The following TCF12 variants were observed in gnomAD, a reference collection of about 807,000 sequenced individuals.
The protein encoded by TCF12 is transcription factor 12.
A neutral mutation model predicts 86.0 loss-of-function variants in TCF12; 45 were observed. That is an observed-to-expected ratio of 0.52 (90% CI 0.41 to 0.67). TCF12 has a LOEUF of 0.67. TCF12 is among the 30% of genes least tolerant of loss of function. The probability of loss-of-function intolerance (pLI) is 0.00; values close to 1 mark genes in which losing one functional copy is unlikely to be tolerated. For missense variants in TCF12, 881 were observed against 859.9 expected (o/e 1.02, Z -0.31); for synonymous variants, 330 against 299.6 (o/e 1.10, Z -1.05).
At chr15:57,259,570 C>T (rs2057640291) in intron 16 of TCF12, among the ~76,000 whole-genome samples, 2 of 152,210 alleles carry the variant, frequency 1.3e-5, no homozygotes, top group South Asian at 2.1e-4. Context: ...TAAGGCCATA[C>T]ATAGATTGTG....
chr15:57,077,227 G>T (rs903068222), intron 4 of TCF12, among the ~76,000 whole-genome samples: 1 of 151,896 alleles, frequency 6.6e-6, no homozygotes, highest in Non-Finnish European at 1.5e-5. Flanking sequence ...TGAGTCTGTA[G>T]ATCAGTTGGA....
chr15:56,933,655 A>G (rs1446067433), intron 3 of TCF12, among the ~76,000 whole-genome samples: 1 of 152,162 alleles, frequency 6.6e-6, no homozygotes, highest in Non-Finnish European at 1.5e-5. Flanking sequence ...TAATGAGCAG[A>G]TTAAAAGTTT....
intron 3 of TCF12, among the ~76,000 whole-genome samples, chr15:57,054,059 G>A (rs2067819111): frequency 6.6e-6 from 1 of 152,066 alleles, no homozygotes; most frequent in African/African-American, 2.4e-5. Flanking sequence ...AGAATTGAGT[G>A]GCAGTTTTGT....
In TCF12 at chr15:57,240,836, C is replaced by T. The variant is rs143330299; in HGVS notation, c.1036-2636C>T. Reference sequence around the variant, plus strand: ...TTGAGGCTGCAGTGAGCCATGATTGCACCACTGCATTCCAGCCTGGGTGAC... The same window carrying T: ...TTGAGGCTGCAGTGAGCCATGATTGTACCACTGCATTCCAGCCTGGGTGAC... On this transcript the variant is annotated intron_variant, in intron 12 of 20. Coordinates refer to ENST00000333725, the MANE Select transcript of TCF12 (RefSeq NM_207037.2). Among the ~76,000 whole-genome samples the T allele has an allele frequency of 1.8e-3, 238 of 132,558 alleles. 2 individuals are homozygous for T. Among genetic ancestry groups the T allele is most frequent in the African/African-American group, 6.1e-3 (219 of 36,016 alleles). The allele number at this position is 132,558 out of a possible 152,430, so 87.0% of individuals were successfully genotyped here. A position where few individuals can be genotyped will look rare whatever the true frequency, so the allele number is the denominator to read the frequency against.
rs1235111709 is a variant in TCF12 at position 57,282,511 on chromosome 15, C to G, written c.2045C>G (p.Ser682Trp). 5 of 1,614,116 alleles carry G rather than the reference C, an allele frequency of 3.1e-6. No individual in the cohort carries two copies. Among genetic ancestry groups the G allele is most frequent in the Non-Finnish European group, 4.2e-6 (5 of 1,180,060 alleles). The change falls in exon 20 of 21, where the codon TCG (serine) becomes TGG (tryptophan). Residue 682 changes from serine (S) to tryptophan (W), a missense_variant. By Grantham distance (177) the Ser-to-Trp change is radical. Coordinates refer to ENST00000333725, the MANE Select transcript of TCF12 (RefSeq NM_207037.2). ...RREEEKVSAVSAEPPTTLPGT... is the reference protein window; with the variant it reads ...RREEEKVSAVWAEPPTTLPGT... ...GAAGAAGAAAAAGTTTCTGCCGTAT[C>G]GGCAGAGCCGCCAACCACACTGCCA...
intron 8 of TCF12, among the ~76,000 whole-genome samples, chr15:57,212,981 C>T (rs1305940896): frequency 6.6e-6 from 1 of 152,162 alleles, no homozygotes; most frequent in Non-Finnish European, 1.5e-5. Flanking sequence ...ATACTTCTGC[C>T]CTACTGCATA....
chr15:56,987,404 C>G (rs1175035766), intron 3 of TCF12, among the ~76,000 whole-genome samples: 2 of 152,112 alleles, frequency 1.3e-5, no homozygotes, highest in African/African-American at 4.8e-5. Flanking sequence ...CTTGAGCCAC[C>G]GTGCCTGGCC....
intron 13 of TCF12, among the ~76,000 whole-genome samples, chr15:57,250,861 G>A (rs1422939848): frequency 7.5e-5 from 11 of 146,186 alleles, no homozygotes; most frequent in Non-Finnish European, 1.4e-4. Flanking sequence ...GTGCCACTGC[G>A]CTCCAGCCTG....
At chr15:57,265,673 A>G (rs2060828751) in intron 18 of TCF12, among the ~76,000 whole-genome samples, 1 of 152,200 alleles carries the variant, frequency 6.6e-6, no homozygotes, top group African/African-American at 2.4e-5. Flanking sequence ...TCTTATTTAT[A>G]TCAATTAACC....
At chr15:56,977,555 GTGTGTGTGTA>G (rs1433693454) in intron 3 of TCF12, among the ~76,000 whole-genome samples, 14 of 149,566 alleles carry the variant, frequency 9.4e-5, no homozygotes, top group Admixed American at 4.2e-4. Flanking sequence ...CTGTGTGTGT[GTGTGTGTGTA>G]TGTATGTGTG....
At chr15:57,028,523 T>G (rs555778333) in intron 3 of TCF12, among the ~76,000 whole-genome samples, 1 of 152,306 alleles carries the variant, frequency 6.6e-6, no homozygotes, top group East Asian at 1.9e-4. Context: ...CTTTTGCCCG[T>G]TTTTAAATCA....
intron 5 of TCF12, among the ~76,000 whole-genome samples, chr15:57,099,868 G>GTT (rs545582921): frequency 1.4e-5 from 2 of 144,848 alleles, no homozygotes; most frequent in African/African-American, 2.5e-5. Flanking sequence ...ATATTTCAGA[G>GTT]TTTTTTTTTT....
chr15:57,179,520 ACT>A (rs1327799707), intron 6 of TCF12, among the ~76,000 whole-genome samples: 1 of 151,506 alleles, frequency 6.6e-6, no homozygotes, highest in African/African-American at 2.4e-5. Flanking sequence ...ACACAGCAAG[ACT>A]CCATCTCAAA....
chr15:57,214,298 A>G (rs1214969339), intron 8 of TCF12: 2 of 152,232 alleles, frequency 1.3e-5, no homozygotes, highest in Non-Finnish European at 2.9e-5. Context: ...ATTGCCTTTT[A>G]GAAGCTTTGT....
At chr15:57,016,721 C>T (rs1399889481) in intron 3 of TCF12, among the ~76,000 whole-genome samples, 1 of 151,868 alleles carries the variant, frequency 6.6e-6, no homozygotes, top group Non-Finnish European at 1.5e-5. Context: ...GTTTTACAAG[C>T]AGAAGCACTG....
chr15:56,935,844 T>C (rs1460057924), intron 3 of TCF12, among the ~76,000 whole-genome samples: 1 of 152,212 alleles, frequency 6.6e-6, no homozygotes. Flanking sequence ...CTATCATGTA[T>C]ATATATACAG....
At chr15:57,009,413 A>G (rs1355270677) in intron 3 of TCF12, among the ~76,000 whole-genome samples, 1 of 152,136 alleles carries the variant, frequency 6.6e-6, no homozygotes, top group East Asian at 1.9e-4. Flanking sequence ...GTGTGGCCTA[A>G]TGGTCCTGTT....
At chr15:56,953,583 A>G (rs531387370) in intron 3 of TCF12, among the ~76,000 whole-genome samples, 1 of 152,194 alleles carries the variant, frequency 6.6e-6, no homozygotes, top group Admixed American at 6.5e-5. Context: ...TTAAACTACA[A>G]GTTTAGTTTC....
intron 3 of TCF12, among the ~76,000 whole-genome samples, chr15:56,959,883 A>G (rs976850373): frequency 3.9e-5 from 6 of 152,198 alleles, no homozygotes; most frequent in Non-Finnish European, 7.3e-5. Context: ...ATCTGTGTCA[A>G]TTGCTTTGGT....
Sources: allele counts gnomAD v4.1 joint callset (sites outside exome capture counted in the v4.1 genomes callset), GRCh38; gene constraint gnomAD v4.1.1; transcripts MANE v1.5; gene names NCBI Gene and HGNC (gene_info 2026-07-23, HGNC 2026-07-21).